The following DLG4 variants were observed in gnomAD, a reference collection of about 807,000 sequenced individuals.
The protein encoded by DLG4 is disks large homolog 4.
A neutral mutation model predicts 93.8 loss-of-function variants in DLG4; 7 were observed. That is an observed-to-expected ratio of 0.07 (90% CI 0.04 to 0.14). The LOEUF (loss-of-function observed/expected upper bound fraction) is 0.14, where lower values mean the gene tolerates loss of function less well. Among genes scored for constraint, DLG4 ranks in the 10% least tolerant of loss-of-function variants. The pLI is 1.00. For synonymous variants in DLG4, 341 were observed against 387.6 expected, an observed-to-expected ratio of 0.88 and a Z score of 1.41; for missense variants, 545 against 992.9, an observed-to-expected ratio of 0.55 and a Z score of 6.06.
chr17:7,209,750 A>G (rs961608482), intron 1 of DLG4, among the ~76,000 whole-genome samples: 4 of 152,120 alleles, frequency 2.6e-5, no homozygotes, highest in Admixed American at 1.3e-4. Flanking sequence ...AGCCTGGGCA[A>G]CAGAGTAAGA....
chr17:7,195,057 A>G lies in DLG4; in HGVS notation c.1302-562T>C, dbSNP rs2069704015. ...AAGAAAAAGAAAAAGAAAAACAGAA[A>G]GCAGTGTGCAGTACACACGCACATC... is the stretch of plus-strand genomic sequence containing the variant. On this transcript the variant is annotated intron_variant, in intron 11 of 19. Transcript: ENST00000399506. The surrounding 1 kb of genome is among the most constrained non-coding windows in gnomAD (Gnocchi z 4.3). Among the ~76,000 whole-genome samples the G allele has an allele frequency of 6.6e-6, 1 of 152,142 alleles. No individual in the cohort carries two copies. The highest frequency in any genetic ancestry group is 6.6e-5 in the Admixed American group (1 of 15,262).
chr17:7,217,999 A>G (rs1048618373), upstream of DLG4, among the ~76,000 whole-genome samples: 3 of 151,806 alleles, frequency 2.0e-5, no homozygotes, highest in African/African-American at 7.3e-5. Flanking sequence ...GGAAACCTAA[A>G]AAGTTAAGCC....
At position 7,203,640 on chromosome 17, in the gene DLG4, G is replaced by A. The variant is rs779345547; in HGVS notation, c.336-47C>T. ...TGAGCCAAGAGCTTCCTGCTGCCCTGGCCCTCCCTCTCCAGGGACCAAGCA... is the reference window on the plus strand; with the variant it reads ...TGAGCCAAGAGCTTCCTGCTGCCCTAGCCCTCCCTCTCCAGGGACCAAGCA... On this transcript the variant is annotated intron_variant, in intron 5 of 19. Coordinates refer to ENST00000399506, the MANE Select transcript of DLG4 (RefSeq NM_001321075.3). This position sits in a 1 kb window ranked among gnomAD's most constrained non-coding sequence, Gnocchi z 7.2. The A allele has an allele frequency of 9.9e-6, 16 of 1,610,900 alleles. No homozygotes were observed. Among genetic ancestry groups the A allele is most frequent in the Middle Eastern group, 1.7e-4 (1 of 6,050 alleles).
At chr17:7,200,990 G>A (rs2070102456) in intron 8 of DLG4, among the ~76,000 whole-genome samples, 1 of 150,200 alleles carries the variant, frequency 6.7e-6, no homozygotes, top group African/African-American at 2.5e-5. Context: ...CTCAGGATTA[G>A]CTGGTATTAC....
rs184505883 is a variant in DLG4, at chr17:7,208,371, C to T, written c.31-132G>A. 6.9e-6 allele frequency: 5 copies of T among 729,088 alleles called. No homozygotes were observed. Among genetic ancestry groups the T allele is most frequent in the African/African-American group, 1.8e-5 (1 of 54,692 alleles). 45.2% of individuals were successfully genotyped at this position (729,088 alleles called of 1,614,324 possible). ...CCTGGGGCCTGACCAGCTCCTCCCC[C>T]TCCCTCTCCTCTAGCCCATTGGCTC... is the stretch of plus-strand genomic sequence containing the variant. On this transcript the variant is annotated intron_variant, in intron 1 of 19. Coordinates refer to ENST00000399506, the MANE Select transcript of DLG4 (RefSeq NM_001321075.3). This position sits in a 1 kb window ranked among gnomAD's most constrained non-coding sequence, Gnocchi z 5.4.
In DLG4 at chr17:7,203,144, A is replaced by G. The variant is rs374957274; in HGVS notation, c.642+49T>C. On this transcript the variant is annotated intron_variant, in intron 7 of 19. Transcript: ENST00000399506. The surrounding 1 kb of genome is among the most constrained non-coding windows in gnomAD (Gnocchi z 7.2). The stretch of plus-strand genomic sequence containing the variant: ...TGAACTTGGGCCTGCCAGGGCTAGT[A>G]GGTGAGACCCAAATCTGGGCTAGAA... 29 of 1,570,480 alleles carry G rather than the reference A, an allele frequency of 1.8e-5. No homozygotes were observed. In the African/African-American group the frequency reaches 2.4e-4, roughly 13 times the overall value.
rs1431337727 is a variant in DLG4 at position 7,194,374 on chromosome 17, G to A, written c.1423C>T (p.Arg475Trp). 2.5e-6 allele frequency: 4 copies of A among 1,612,346 alleles called. No homozygotes were observed. The highest frequency in any genetic ancestry group is 3.4e-6 in the Non-Finnish European group (4 of 1,179,316). The change falls in exon 12 of 20, where the codon CGG becomes TGG. Residue 475 changes from arginine to tryptophan, a missense_variant. Transcript: ENST00000399506. This position sits in a 1 kb window ranked among gnomAD's most constrained non-coding sequence, Gnocchi z 4.4. Reference sequence around the variant, plus strand: ...TCGGTCTCACTGTCAGAGTGGACCCGCCGTGCCTGCCACCACTCCTCATCA... The same window carrying A: ...TCGGTCTCACTGTCAGAGTGGACCCACCGTGCCTGCCACCACTCCTCATCA... ...ASDEEWWQAR[R>W]VHSDSETDDI...
chr17:7,204,122 T>C (rs2070324443), intron 3 of DLG4, 55 bp from the exon 4 acceptor site: 2 of 1,599,298 alleles, frequency 1.3e-6, no homozygotes, highest in Non-Finnish European at 1.7e-6. Context: ...TCTGACCACC[T>C]GCCCGTCATC....
chr17:7,214,090 C>T (rs1221376611), intron 1 of DLG4, among the ~76,000 whole-genome samples: 1 of 152,172 alleles, frequency 6.6e-6, no homozygotes, highest in Admixed American at 6.5e-5. Flanking sequence ...AGGACTTTGC[C>T]GTCGCCTAGC....
rs2070803451 is a variant in DLG4, at chr17:7,213,899, C to A, written c.30+3219G>T. ...ATATCTGGTAGGAAGGCTTGGATCA[C>A]CAGAGGATCCAAGGAGTCAGTGCGG... is the stretch of plus-strand genomic sequence containing the variant. On this transcript the variant is annotated intron_variant, in intron 1 of 19. Coordinates refer to ENST00000399506, the MANE Select transcript of DLG4 (RefSeq NM_001321075.3). The A allele has an allele frequency of 6.4e-6, 3 of 470,486 alleles. No homozygotes were observed. The Admixed American group carries it at 7.1e-5, about 11-fold the overall frequency. 29.1% of individuals were successfully genotyped at this position (470,486 alleles called of 1,614,324 possible). A position where few individuals can be genotyped will look rare whatever the true frequency, so the allele number is the denominator to read the frequency against.
chr17:7,196,766 C>A lies in DLG4; in HGVS notation c.1074G>T (p.Gln358His). The change falls in exon 9 of 20, where the codon CAG (glutamine) becomes CAT (histidine). Residue 358 changes from glutamine to histidine, a missense_variant. Physicochemically the swap from Gln to His is conservative, Grantham distance 24. This residue lies in a region of DLG4 where 428 missense variants were observed against 741.4 expected (regional missense o/e 0.58). Coordinates refer to ENST00000399506, the MANE Select transcript of DLG4 (RefSeq NM_001321075.3). This position sits in a 1 kb window ranked among gnomAD's most constrained non-coding sequence, Gnocchi z 8.3. ...DLSGELRKGD[Q>H]ILSVNGVDLR... ...GCAGGCCTTCCCTCACCGACAGGAT[C>A]TGGTCCCCCTTCCGCAGCTCCCCAC... 1.2e-6 allele frequency: 2 copies of A among 1,606,556 alleles called. No individual in the cohort carries two copies. Among genetic ancestry groups the A allele is most frequent in the East Asian group, 2.2e-5 (1 of 44,468 alleles).
At position 7,190,308 on chromosome 17, in the gene DLG4, G is replaced by GCTCC; in HGVS notation, c.*399_*400insGGAG. On this transcript the variant is annotated 3_prime_UTR_variant, in exon 20 of 20. Transcript: ENST00000399506. ...AGACCCTGCCTTAGGAGAGAGCGGA[G>GCTCC]GCCTGTGGCCCTGCATCCCTGCAGC... The GCTCC allele has an allele frequency of 3.9e-6, 1 of 253,464 alleles. No individual in the cohort carries two copies. The highest frequency in any genetic ancestry group is 6.0e-5 in the South Asian group (1 of 16,802). The allele number at this position is 253,464 out of a possible 1,614,324, so 15.7% of individuals were successfully genotyped here.
rs752296963 is a variant in DLG4, at chr17:7,203,616, G to C, written c.336-23C>G. On this transcript the variant is annotated intron_variant, in intron 5 of 19. Transcript: ENST00000399506. The surrounding 1 kb of genome is among the most constrained non-coding windows in gnomAD (Gnocchi z 7.2). The stretch of plus-strand genomic sequence containing the variant: ...ACCCTGGGAGCAGCAAGGTGGGCCT[G>C]AGCCAAGAGCTTCCTGCTGCCCTGG... The C allele has an allele frequency of 1.1e-5, 18 of 1,608,808 alleles. No homozygotes were observed. In the Admixed American group the frequency reaches 2.3e-4, roughly 21 times the overall value.
chr17:7,190,843 G>A (rs1320809028), intron 19 of DLG4, 29 bp from the exon 20 acceptor site: 5 of 1,595,270 alleles, frequency 3.1e-6, no homozygotes, highest in Non-Finnish European at 4.3e-6. Context: ...AGGGAGTGAG[G>A]CCAAGGAAGG....
intron 8 of DLG4, among the ~76,000 whole-genome samples, chr17:7,198,717 A>G (rs2069947828): frequency 6.8e-6 from 1 of 147,664 alleles, no homozygotes; most frequent in Admixed American, 6.8e-5. Context: ...GCGCAGTGGC[A>G]GGGCCCTGTA....
chr17:7,194,220 T>A lies in DLG4; in HGVS notation c.1478+99A>T. 6.8e-7 allele frequency: 1 copy of A among 1,468,398 alleles called. No homozygotes were observed. Among genetic ancestry groups the A allele is most frequent in the Non-Finnish European group, 9.1e-7 (1 of 1,093,816 alleles). 91.0% of individuals were successfully genotyped at this position (1,468,398 alleles called of 1,614,324 possible). On this transcript the variant is annotated intron_variant, in intron 12 of 19. Transcript: ENST00000399506. The surrounding 1 kb of genome is among the most constrained non-coding windows in gnomAD (Gnocchi z 4.4). ...GGCCCAACAGACAAACCCCTAGGAG[T>A]TCAGAGGGCAAACCCATCCCCTGTT...
rs1010614075 is a variant in DLG4 at position 7,214,791 on chromosome 17, G to C, written c.30+2327C>G. Among the ~76,000 whole-genome samples, 4 of 152,374 alleles carry C rather than the reference G, an allele frequency of 2.6e-5. No homozygotes were observed. In the South Asian group the frequency reaches 8.3e-4, roughly 32 times the overall value. On this transcript the variant is annotated intron_variant, in intron 1 of 19. Transcript: ENST00000399506. ...GGAGTGGGAGAAAGAGATGCTCAGA[G>C]ACGAGAGATTCTGGCAGAGATAAAG...
Position 7,190,487 on chromosome 17 carries a change from C to T in DLG4, c.*221G>A, listed in dbSNP as rs185380227. On this transcript the variant is annotated 3_prime_UTR_variant, in exon 20 of 20. Coordinates refer to ENST00000399506, the MANE Select transcript of DLG4 (RefSeq NM_001321075.3). ...CTCGGAACAAGGAGCCCAGCTCCCC[C>T]CCAGACCCCAGGTTCCTGGCGTTCA... 20 of 558,312 alleles carry T rather than the reference C, an allele frequency of 3.6e-5. 1 individual carries two copies. The highest frequency in any genetic ancestry group is 5.1e-5 in the Non-Finnish European group (16 of 311,306). 34.6% of individuals were successfully genotyped at this position (558,312 alleles called of 1,614,324 possible). A position where few individuals can be genotyped will look rare whatever the true frequency, so the allele number is the denominator to read the frequency against.
Position 7,208,085 on chromosome 17 carries a change from G to C in DLG4, c.96+89C>G. 7.6e-7 allele frequency: 1 copy of C among 1,315,710 alleles called. No individual in the cohort carries two copies. The highest frequency in any genetic ancestry group is 9.8e-7 in the Non-Finnish European group (1 of 1,023,588). 81.5% of individuals were successfully genotyped at this position (1,315,710 alleles called of 1,614,324 possible). A position where few individuals can be genotyped will look rare whatever the true frequency, so the allele number is the denominator to read the frequency against. On this transcript the variant is annotated intron_variant, in intron 2 of 19. Coordinates refer to ENST00000399506, the MANE Select transcript of DLG4 (RefSeq NM_001321075.3). The surrounding 1 kb of genome is among the most constrained non-coding windows in gnomAD (Gnocchi z 5.4). ...ACCAGGGTCTCCTACCTTGAAGGGG[G>C]AGAGGTGGGCGTGGCCCACGACCCC...
Sources: gnomAD v4.1 joint callset for allele counts (sites outside exome capture counted in the v4.1 genomes callset) on GRCh38, gnomAD v4.1.1 for gene constraint, gnomAD v4.1.1 regional missense constraint, Gnocchi (gnomAD v3.1) non-coding constraint, MANE v1.5 for transcripts, NCBI Gene and HGNC (gene_info 2026-07-23, HGNC 2026-07-21) for gene names.